EPHA6: variants seen among roughly 807,000 people sequenced by gnomAD.
EPHA6 encodes EPH receptor A6.
A neutral mutation model predicts 112.0 loss-of-function variants in EPHA6; 50 were observed. The observed-to-expected ratio is 0.45, with a 90% confidence interval of 0.36 to 0.56. The LOEUF (loss-of-function observed/expected upper bound fraction) is 0.56. Ranked by LOEUF, EPHA6 falls within the 20% of genes least tolerant of loss-of-function variation. The pLI, the probability that EPHA6 is intolerant of heterozygous loss-of-function variation, is 0.00. For missense variants in EPHA6, 1,280 were observed against 1,417.4 expected, an observed-to-expected ratio of 0.90 and a Z score of 1.56; for synonymous variants, 529 against 490.7, an observed-to-expected ratio of 1.08 and a Z score of -1.03.
At chr3:97,460,601 G>T (rs1032445722) in intron 7 of EPHA6, among the ~76,000 whole-genome samples, 1 of 152,192 alleles carries the variant, frequency 6.6e-6, no homozygotes, top group African/African-American at 2.4e-5. Flanking sequence ...CCTGCTGAAA[G>T]CTCATAGTTG....
chr3:97,748,555 CGCTCTCACTCTT>C lies in EPHA6; in HGVS notation c.3279-25_3279-14del. 9.2e-7 allele frequency: 1 copy of C among 1,090,446 alleles called. No homozygotes were observed. The highest frequency in any genetic ancestry group is 1.8e-5 in the Admixed American group (1 of 55,834). 67.5% of individuals were successfully genotyped at this position (1,090,446 alleles called of 1,614,324 possible). Reference sequence around the variant, plus strand: ...TCTCTCTCTTTCTTGCTCTCACTCTCGCTCTCACTCTTGCTCTCTCCTTTCTTTCAGTGACAT... The same window carrying C: ...TCTCTCTCTTTCTTGCTCTCACTCTCGCTCTCTCCTTTCTTTCAGTGACAT... On this transcript the variant is annotated intron_variant, in intron 17 of 17. Coordinates refer to ENST00000389672, the MANE Select transcript of EPHA6 (RefSeq NM_001080448.3).
At position 97,756,541 on chromosome 3, in the gene EPHA6, T is replaced by C. The variant is rs1303791851; in HGVS notation, c.*7840T>C. ...GTGTATAAATGTTTGTCATTGAAGT[T>C]TGGAATTTATTTTAATGTACTCTTT... On this transcript the variant is annotated 3_prime_UTR_variant, in exon 18 of 18. Transcript: ENST00000389672. Among the ~76,000 whole-genome samples the C allele has an allele frequency of 6.6e-6, 1 of 151,910 alleles. No homozygotes were observed. Among genetic ancestry groups the C allele is most frequent in the Non-Finnish European group, 1.5e-5 (1 of 67,810 alleles).
At chr3:97,508,685 G>A (rs1577614920) in intron 10 of EPHA6, among the ~76,000 whole-genome samples, 2 of 152,266 alleles carry the variant, frequency 1.3e-5, no homozygotes, top group African/African-American at 4.8e-5. Flanking sequence ...ACTTGGTCCA[G>A]AGCTGAGTTC....
intron 5 of EPHA6, among the ~76,000 whole-genome samples, chr3:97,270,808 C>T (rs2079852477): frequency 6.6e-6 from 1 of 152,186 alleles, no homozygotes; most frequent in Admixed American, 6.5e-5. Context: ...AATAATTTTT[C>T]CTTTTTTAAG....
At chr3:96,972,980 G>T (rs2042376719) in intron 2 of EPHA6, among the ~76,000 whole-genome samples, 1 of 152,094 alleles carries the variant, frequency 6.6e-6, no homozygotes, top group African/African-American at 2.4e-5. Context: ...AATATTCTTT[G>T]CCTAGAAAGG....
At chr3:97,489,064 G>A (rs1480674530) in intron 10 of EPHA6, among the ~76,000 whole-genome samples, 2 of 152,034 alleles carry the variant, frequency 1.3e-5, no homozygotes, top group East Asian at 3.9e-4. Flanking sequence ...CAGAAATTTG[G>A]GTCACTCCAT....
At chr3:97,063,687 T>A (rs1006670845) in intron 3 of EPHA6, among the ~76,000 whole-genome samples, 3 of 152,062 alleles carry the variant, frequency 2.0e-5, no homozygotes, top group Non-Finnish European at 4.4e-5. Context: ...TCTGTACATA[T>A]ACTCTGGAAT....
At chr3:97,456,041 A>G (rs773357681) in intron 7 of EPHA6, among the ~76,000 whole-genome samples, 1 of 152,044 alleles carries the variant, frequency 6.6e-6, no homozygotes, top group Non-Finnish European at 1.5e-5. Context: ...ATGTTGTAAA[A>G]TGTGCGTATC....
chr3:97,199,670 A>G (rs2077530336), intron 3 of EPHA6, among the ~76,000 whole-genome samples: 1 of 152,190 alleles, frequency 6.6e-6, no homozygotes, highest in South Asian at 2.1e-4. Flanking sequence ...AAACATAGTT[A>G]TTATTGTAAC....
chr3:97,430,924 T>G (rs1421626813), intron 6 of EPHA6, among the ~76,000 whole-genome samples: 2 of 152,102 alleles, frequency 1.3e-5, no homozygotes, highest in African/African-American at 2.4e-5. Context: ...AGAATTTGGC[T>G]GTGTTTTAAT....
intron 6 of EPHA6, among the ~76,000 whole-genome samples, chr3:97,423,352 T>A (rs2088835877): frequency 6.6e-6 from 1 of 152,208 alleles, no homozygotes; most frequent in South Asian, 2.1e-4. Context: ...TTTTTATACA[T>A]GAACATTGTC....
intron 5 of EPHA6, among the ~76,000 whole-genome samples, chr3:97,389,569 G>A (rs2086279717): frequency 6.6e-6 from 1 of 152,148 alleles, no homozygotes; most frequent in East Asian, 1.9e-4. Context: ...CCCTGTAAAT[G>A]TATTTGTACA....
intron 15 of EPHA6, among the ~76,000 whole-genome samples, chr3:97,722,384 A>G (rs1194677303): frequency 6.6e-6 from 1 of 152,214 alleles, no homozygotes; most frequent in African/African-American, 2.4e-5. Context: ...ATCTAGGCCA[A>G]TCCCTTTATT....
intron 11 of EPHA6, among the ~76,000 whole-genome samples, chr3:97,581,298 A>T (rs931034645): frequency 1.1e-4 from 16 of 152,220 alleles, no homozygotes; most frequent in African/African-American, 3.9e-4. Context: ...GACTCAAGTG[A>T]TATTTTCACT....
intron 3 of EPHA6, among the ~76,000 whole-genome samples, chr3:97,206,734 G>T (rs1372355491): frequency 6.6e-6 from 1 of 151,484 alleles, no homozygotes; most frequent in Non-Finnish European, 1.5e-5. Context: ...ATCTCTTCAG[G>T]GACTAGGTTT....
chr3:97,480,844 C>T (rs912058751), intron 9 of EPHA6, among the ~76,000 whole-genome samples: 25 of 149,700 alleles, frequency 1.7e-4, no homozygotes, highest in Admixed American at 1.1e-3. Flanking sequence ...TCAGATGGGG[C>T]GGCCGGGCAG....
intron 11 of EPHA6, among the ~76,000 whole-genome samples, chr3:97,573,356 G>T (rs908052775): frequency 1.3e-5 from 2 of 152,076 alleles, no homozygotes; most frequent in Admixed American, 6.5e-5. Flanking sequence ...TCGAGTAAAG[G>T]TGGTGACCTG....
At position 97,197,942 on chromosome 3, in the gene EPHA6, C is replaced by A. The variant is rs2077482471; in HGVS notation, c.1115-28322C>A. On this transcript the variant is annotated intron_variant, in intron 3 of 17. Coordinates refer to ENST00000389672, the MANE Select transcript of EPHA6 (RefSeq NM_001080448.3). ...GAATTATCTCCTGCATTGCTTTCTA[C>A]TGTGACAGGCAGCACTGAGTTCCAC... 2.0e-5 allele frequency among the ~76,000 whole-genome samples: 3 copies of A among 152,218 alleles called. No homozygotes were observed. The South Asian group carries it at 6.2e-4, about 32-fold the overall frequency.
At chr3:97,638,694 C>T (rs564338629) in intron 14 of EPHA6, among the ~76,000 whole-genome samples, 1 of 152,198 alleles carries the variant, frequency 6.6e-6, no homozygotes, top group South Asian at 2.1e-4. Flanking sequence ...ATATTTCTGA[C>T]TGTCCTAAAC....
Sources: gnomAD v4.1 joint callset for allele counts (sites outside exome capture counted in the v4.1 genomes callset) on GRCh38, gnomAD v4.1.1 for gene constraint, MANE v1.5 for transcripts, NCBI Gene and HGNC (gene_info 2026-07-23, HGNC 2026-07-21) for gene names.